Variants in MDM2 observed in about 807,000 individuals in gnomAD.
MDM2 encodes MDM2 proto-oncogene.
Under a neutral mutation model 64.3 loss-of-function variants are expected in MDM2, and 11 were observed. The ratio of observed to expected loss-of-function variants is 0.17; its 90% confidence interval spans 0.11 to 0.28. The LOEUF (loss-of-function observed/expected upper bound fraction) is 0.28, where lower values mean the gene tolerates loss of function less well. MDM2 is among the 10% of genes least tolerant of loss of function. The probability of loss-of-function intolerance (pLI) is 1.00; values close to 1 mark genes in which losing one functional copy is unlikely to be tolerated. For synonymous variants in MDM2, 194 were observed against 192.9 expected, an observed-to-expected ratio of 1.01 and a Z score of -0.05; for missense variants, 388 against 577.1, an observed-to-expected ratio of 0.67 and a Z score of 3.36.
chr12:68,811,971 C>T (rs1196338), intron 2 of MDM2, among the ~76,000 whole-genome samples: 2,771 of 152,132 alleles, frequency 0.018, 37 homozygotes, highest in African/African-American at 0.028. Flanking sequence ...GTCTCACACT[C>T]CTGACCTCAG....
chr12:68,833,143 AAAAAAAAT>A (rs1485373459), intron 8 of MDM2, among the ~76,000 whole-genome samples: 47 of 107,304 alleles, frequency 4.4e-4, no homozygotes, highest in African/African-American at 2.1e-3. Context: ...AAAAAAAAAA[AAAAAAAAT>A]ATATATATAT....
At chr12:68,822,716 A>G (rs929711176) in intron 5 of MDM2, among the ~76,000 whole-genome samples, 4 of 150,426 alleles carry the variant, frequency 2.7e-5, no homozygotes, top group African/African-American at 9.8e-5. Context: ...TTAACTTCAG[A>G]ACTCCTATTC....
At chr12:68,815,696 G>A in intron 3 of MDM2, 1 of 398,458 alleles carries the variant, frequency 2.5e-6, no homozygotes, top group Non-Finnish European at 5.1e-6. Context: ...GCTTACCTCG[G>A]CCTCCTAAAG....
At chr12:68,818,751 ATCT>A (rs1881605089) in intron 4 of MDM2, among the ~76,000 whole-genome samples, 1 of 151,192 alleles carries the variant, frequency 6.6e-6, no homozygotes, top group Admixed American at 6.6e-5. Flanking sequence ...TGAATATTGA[ATCT>A]TCTATTTTTT....
chr12:68,840,181 G>T lies in MDM2; in HGVS notation c.*332G>T. ...TTTTTTTGAGACCGAGTCTTGCTCT[G>T]TTACCCAGGCTGGAGTGCAGTGGCG... On this transcript the variant is annotated 3_prime_UTR_variant, in exon 11 of 11. Transcript: ENST00000258149. 4.1e-6 allele frequency: 1 copy of T among 243,442 alleles called. No individual in the cohort carries two copies. Among genetic ancestry groups the T allele is most frequent in the Non-Finnish European group, 8.0e-6 (1 of 125,698 alleles). The allele number at this position is 243,442 out of a possible 1,614,324, so 15.1% of individuals were successfully genotyped here. A position where few individuals can be genotyped will look rare whatever the true frequency, so the allele number is the denominator to read the frequency against.
rs1883944881 is a variant in MDM2, at chr12:68,843,148, C to T, written c.*3299C>T. 4.5e-6 allele frequency: 1 copy of T among 221,174 alleles called. No homozygotes were observed. The allele number at this position is 221,174 out of a possible 1,614,324, so 13.7% of individuals were successfully genotyped here. ...TTTGGAAAACAATGTATGGGTAGAA[C>T]ATGTGTCTGTTAATTGCACACAAAA... On this transcript the variant is annotated 3_prime_UTR_variant, in exon 11 of 11. Transcript: ENST00000258149.
chr12:68,846,559 T>C (rs1432782152), downstream of MDM2: 1 of 152,208 alleles, frequency 6.6e-6, no homozygotes, highest in Non-Finnish European at 1.5e-5. Flanking sequence ...TCTCCCTAAA[T>C]GGATTTCACT....
At chr12:68,836,112 C>CCAATGTGTTAGTT in intron 9 of MDM2, 128 bp downstream of exon 9, 1 of 804,250 alleles carries the variant, frequency 1.2e-6, no homozygotes, top group African/African-American at 1.7e-5. Context: ...TTTGTTTAAA[C>CCAATGTGTTAGTT]TAACACATTG....
chr12:68,817,264 T>C (rs3730529), intron 4 of MDM2, among the ~76,000 whole-genome samples: 4,810 of 152,316 alleles, frequency 0.032, 287 homozygotes, highest in African/African-American at 0.11. Context: ...AGAGACGTTG[T>C]ATAAAAAAGC....
intron 3 of MDM2, among the ~76,000 whole-genome samples, chr12:68,815,433 C>CTTTTTTTTTTTTTTTTT (rs58178593): frequency 2.1e-5 from 2 of 93,090 alleles, no homozygotes; most frequent in African/African-American, 4.4e-5. Flanking sequence ...GTTTCTTCTT[C>CTTTTTTTTTTTTTTTTT]TTTTTTTTTT....
At position 68,829,008 on chromosome 12, in the gene MDM2, A is replaced by G. The variant is rs944014100; in HGVS notation, c.684+77A>G. The stretch of plus-strand genomic sequence containing the variant: ...CCTGGCAGTCCTAATAAGGATACGG[A>G]TAGAATGTACATGTGTCTTACGAGA... On this transcript the variant is annotated intron_variant, in intron 8 of 10. Transcript: ENST00000258149. The G allele has an allele frequency of 6.4e-6, 9 of 1,402,298 alleles. 1 individual carries two copies. The highest frequency in any genetic ancestry group is 5.1e-5 in the South Asian group (4 of 78,868). 86.9% of individuals were successfully genotyped at this position (1,402,298 alleles called of 1,614,324 possible). A position where few individuals can be genotyped will look rare whatever the true frequency, so the allele number is the denominator to read the frequency against.
chr12:68,825,591 T>TA (rs1882247210), intron 7 of MDM2, among the ~76,000 whole-genome samples: 1 of 152,080 alleles, frequency 6.6e-6, no homozygotes, highest in Admixed American at 6.6e-5. Context: ...AGGCAGAGCT[T>TA]ACAGTGAGCC....
intron 9 of MDM2, 179 bp from the exon 10 acceptor site, chr12:68,836,493 G>C: frequency 4.0e-6 from 2 of 501,502 alleles, no homozygotes; most frequent in Non-Finnish European, 7.2e-6. Context: ...ACCATTGTGG[G>C]TAAGGATTTC....
At chr12:68,809,625 T>TAAA (rs869234778) in intron 2 of MDM2, among the ~76,000 whole-genome samples, 1 of 143,034 alleles carries the variant, frequency 7.0e-6, no homozygotes, top group Admixed American at 6.9e-5. Flanking sequence ...GTCAAAAAAG[T>TAAA]TATTCGTGCT....
intron 5 of MDM2, among the ~76,000 whole-genome samples, chr12:68,820,676 A>G (rs1206926703): frequency 1.3e-5 from 2 of 152,212 alleles, no homozygotes; most frequent in Admixed American, 6.5e-5. Context: ...TTGAAAATGT[A>G]TTGAAAGGCT....
chr12:68,843,915 CTG>C lies in MDM2; in HGVS notation c.*4068_*4069del, dbSNP rs1207910488. On this transcript the variant is annotated 3_prime_UTR_variant, in exon 11 of 11. Coordinates refer to ENST00000258149, the MANE Select transcript of MDM2 (RefSeq NM_002392.6). ...TATTTCAGCTAGAACCTAGTAGAAT[CTG>C]TTTTTTTCCTTTGGAGGTCCTCAAA... 4.7e-6 allele frequency: 1 copy of C among 212,458 alleles called. No homozygotes were observed. Among genetic ancestry groups the C allele is most frequent in the Non-Finnish European group, 9.5e-6 (1 of 105,240 alleles). 13.2% of individuals were successfully genotyped at this position (212,458 alleles called of 1,614,324 possible). A position where few individuals can be genotyped will look rare whatever the true frequency, so the allele number is the denominator to read the frequency against.
chr12:68,833,149 A>AAAAATATATATAT (rs1555187768), intron 8 of MDM2, among the ~76,000 whole-genome samples: 69 of 65,950 alleles, frequency 1.0e-3, no homozygotes, highest in African/African-American at 4.2e-3. Context: ...AAAAAAAAAA[A>AAAAATATATATAT]ATATATATAT....
At chr12:68,833,042 C>T (rs1222570979) in intron 8 of MDM2, among the ~76,000 whole-genome samples, 2 of 140,028 alleles carry the variant, frequency 1.4e-5, no homozygotes. Flanking sequence ...AGGAGAATGG[C>T]GTGAACCCAG....
chr12:68,818,089 C>T (rs1881541748), intron 4 of MDM2, among the ~76,000 whole-genome samples: 2 of 152,076 alleles, frequency 1.3e-5, no homozygotes, highest in South Asian at 2.1e-4. Flanking sequence ...CAACCACACC[C>T]GGCCTACATT....
Sources: allele counts gnomAD v4.1 joint callset (sites outside exome capture counted in the v4.1 genomes callset), GRCh38; gene constraint gnomAD v4.1.1; transcripts MANE v1.5; gene names NCBI Gene and HGNC (gene_info 2026-07-23, HGNC 2026-07-21).